The following ANKS1B variants were observed in gnomAD, a reference collection of about 807,000 sequenced individuals.
ANKS1B encodes ankyrin repeat and sterile alpha motif domain-containing protein 1B.
Under a neutral mutation model 148.3 loss-of-function variants are expected in ANKS1B, and 36 were observed. The observed-to-expected ratio is 0.24, with a 90% CI of 0.19 to 0.32. ANKS1B has a LOEUF of 0.32. ANKS1B is among the 10% of genes least tolerant of loss of function. The pLI is 1.00. For missense variants in ANKS1B, 1,157 were observed against 1,542.6 expected (o/e 0.75, Z 4.19); for synonymous variants, 542 against 560.8 (o/e 0.97, Z 0.47).
intron 1 of ANKS1B, among the ~76,000 whole-genome samples, chr12:99,838,472 T>C (rs1170696428): frequency 6.6e-6 from 1 of 152,156 alleles, no homozygotes; most frequent in Non-Finnish European, 1.5e-5. Context: ...AGTTTTTGTA[T>C]TGAGTTTTTC....
intron 15 of ANKS1B, among the ~76,000 whole-genome samples, chr12:99,097,713 A>G (rs2056660296): frequency 6.6e-6 from 1 of 152,194 alleles, no homozygotes; most frequent in Non-Finnish European, 1.5e-5. Context: ...GCACGGGATT[A>G]GGAGTCCTGG....
At chr12:98,786,827 A>T (rs2098799490) in intron 22 of ANKS1B, among the ~76,000 whole-genome samples, 1 of 152,104 alleles carries the variant, frequency 6.6e-6, no homozygotes, top group African/African-American at 2.4e-5. Context: ...TGTGGGGAGG[A>T]CGCCACCAAC....
chr12:99,622,830 A>G (rs995084268), intron 9 of ANKS1B, among the ~76,000 whole-genome samples: 1 of 152,008 alleles, frequency 6.6e-6, no homozygotes, highest in East Asian at 1.9e-4. Context: ...AGGAAGAGCC[A>G]GTACCAATTC....
intron 17 of ANKS1B, among the ~76,000 whole-genome samples, chr12:99,013,897 G>C (rs1052359917): frequency 2.0e-5 from 3 of 152,146 alleles, no homozygotes; most frequent in African/African-American, 7.2e-5. Context: ...AACAATCCAT[G>C]CTCATGGATA....
At chr12:99,931,684 A>G (rs888779038) in intron 1 of ANKS1B, among the ~76,000 whole-genome samples, 17 of 152,322 alleles carry the variant, frequency 1.1e-4, no homozygotes, top group African/African-American at 4.1e-4. Flanking sequence ...TATGGGGTAC[A>G]TGAGAAATTT....
chr12:99,180,937 C>T (rs576635820), intron 14 of ANKS1B, among the ~76,000 whole-genome samples: 3 of 152,270 alleles, frequency 2.0e-5, no homozygotes, highest in African/African-American at 7.2e-5. Context: ...TGACTGTCCT[C>T]ATATGACAGA....
intron 1 of ANKS1B, among the ~76,000 whole-genome samples, chr12:99,922,734 GGT>G (rs2094389262): frequency 6.6e-6 from 1 of 152,082 alleles, no homozygotes; most frequent in Admixed American, 6.6e-5. Context: ...AGTGTTGAGA[GGT>G]GAGAAATTCA....
intron 10 of ANKS1B, among the ~76,000 whole-genome samples, chr12:99,491,646 C>T (rs1048555773): frequency 2.6e-5 from 4 of 152,014 alleles, no homozygotes; most frequent in African/African-American, 9.7e-5. Context: ...ATGATGAGCA[C>T]TTCTCATCAT....
At chr12:99,775,706 T>C (rs754695088) in intron 6 of ANKS1B, 45 bp from the exon 7 acceptor site, 1 of 1,134,444 alleles carries the variant, frequency 8.8e-7, no homozygotes, top group East Asian at 2.5e-5. Context: ...ATTCATTTAT[T>C]TTAAAATCAA....
chr12:99,525,044 C>A (rs1460233188), intron 9 of ANKS1B, among the ~76,000 whole-genome samples: 1 of 152,142 alleles, frequency 6.6e-6, no homozygotes, highest in East Asian at 1.9e-4. Context: ...GCAGCCCTTT[C>A]TATATTTTCG....
chr12:98,746,753 GA>G (rs2097903690), intron 26 of ANKS1B, among the ~76,000 whole-genome samples: 1 of 152,176 alleles, frequency 6.6e-6, no homozygotes, highest in Non-Finnish European at 1.5e-5. Flanking sequence ...TCAAAAGAAT[GA>G]GGTAATATTT....
rs568244074 is a variant in ANKS1B at position 99,476,540 on chromosome 12, C to A, written c.1438+27936G>T. ...AGTGATAAAATAGTATAAAATTGGG[C>A]AATTTATATGAATAGCAATTCAGAG... On this transcript the variant is annotated intron_variant, in intron 10 of 26. Coordinates refer to ENST00000683438, the MANE Select transcript of ANKS1B (RefSeq NM_001352186.2). Among the ~76,000 whole-genome samples, 14 of 152,082 alleles carry A rather than the reference C, an allele frequency of 9.2e-5. No individual in the cohort carries two copies. In the East Asian group the frequency reaches 2.7e-3, roughly 29 times the overall value.
At chr12:98,755,072 A>G (rs1278479112) in intron 25 of ANKS1B, among the ~76,000 whole-genome samples, 1 of 152,068 alleles carries the variant, frequency 6.6e-6, no homozygotes, top group Non-Finnish European at 1.5e-5. Flanking sequence ...GCACCGAGAC[A>G]CACCTTCCAA....
Position 99,372,912 on chromosome 12 carries a change from C to T in ANKS1B, c.1756+26719G>A, listed in dbSNP as rs577668156. Among the ~76,000 whole-genome samples, 53 of 152,222 alleles carry T rather than the reference C, an allele frequency of 3.5e-4. No homozygotes were observed. In the Middle Eastern group the frequency reaches 0.024, roughly 68 times the overall value. On this transcript the variant is annotated intron_variant, in intron 12 of 26. Coordinates refer to ENST00000683438, the MANE Select transcript of ANKS1B (RefSeq NM_001352186.2). ...GCCTTCCATGTCATATTAAGCTGCA[C>T]TCTTTTCCCTGCCTTAATTCCCTAA... is the stretch of plus-strand genomic sequence containing the variant.
intron 12 of ANKS1B, among the ~76,000 whole-genome samples, chr12:99,374,736 A>G (rs1191280781): frequency 6.6e-6 from 1 of 152,196 alleles, no homozygotes; most frequent in Non-Finnish European, 1.5e-5. Context: ...AAAAGATCTT[A>G]TGGTTATCTA....
rs893012618 is a variant in ANKS1B, at chr12:98,744,123, A to G, written c.*1616T>C. On this transcript the variant is annotated 3_prime_UTR_variant, in exon 27 of 27. Transcript: ENST00000683438. ...CTCCTATTAACTTTGCTCCTATACAATTGCCTCCTGGTACCATATTTTAGT... is the reference window on the plus strand; with the variant it reads ...CTCCTATTAACTTTGCTCCTATACAGTTGCCTCCTGGTACCATATTTTAGT... 4 of 985,670 alleles carry G rather than the reference A, an allele frequency of 4.1e-6. No individual in the cohort carries two copies. Among genetic ancestry groups the G allele is most frequent in the African/African-American group, 3.5e-5 (2 of 57,232 alleles). 61.1% of individuals were successfully genotyped at this position (985,670 alleles called of 1,614,324 possible).
chr12:98,798,491 T>TA (rs770480470), intron 22 of ANKS1B, among the ~76,000 whole-genome samples: 14,536 of 142,792 alleles, frequency 0.1, 731 homozygotes, highest in Non-Finnish European at 0.11. Flanking sequence ...TTTAAAAAAA[T>TA]AAAAAAAAAA....
intron 14 of ANKS1B, among the ~76,000 whole-genome samples, chr12:99,239,546 A>C (rs1007742443): frequency 2.0e-5 from 3 of 152,218 alleles, no homozygotes; most frequent in Admixed American, 1.3e-4. Context: ...GCCAACATTC[A>C]AATTCAGGAA....
At chr12:99,421,261 C>A (rs2095071819) in intron 11 of ANKS1B, among the ~76,000 whole-genome samples, 1 of 152,164 alleles carries the variant, frequency 6.6e-6, no homozygotes, top group South Asian at 2.1e-4. Context: ...AACAGTCCAG[C>A]AGAATCTCCC....
Sources: allele counts gnomAD v4.1 joint callset (sites outside exome capture counted in the v4.1 genomes callset), GRCh38; gene constraint gnomAD v4.1.1; transcripts MANE v1.5; gene names NCBI Gene and HGNC (gene_info 2026-07-23, HGNC 2026-07-21).